Variants in SYNM observed in about 807,000 individuals in gnomAD.
The protein encoded by SYNM is synemin.
In SYNM, 95 loss-of-function variants were observed where a neutral mutation model predicts 104.0. That is an observed-to-expected ratio of 0.91 (90% confidence interval 0.77 to 1.08). The LOEUF is 1.08. Ranked by LOEUF, SYNM falls within the 50% of genes least tolerant of loss-of-function variation. The pLI is 0.00. For missense variants in SYNM, 2,150 were observed against 2,052.2 expected (o/e 1.05, Z -0.92); for synonymous variants, 918 against 869.0 (o/e 1.06, Z -0.99).
chr15:99,124,222 G>A (rs2067427400), intron 2 of SYNM, among the ~76,000 whole-genome samples: 1 of 152,256 alleles, frequency 6.6e-6, no homozygotes, highest in Admixed American at 6.5e-5. Flanking sequence ...ATTTCTTAAA[G>A]TGGTACGAAC....
chr15:99,131,902 G>A lies in SYNM; in HGVS notation c.3542G>A (p.Ser1181Asn). 1 of 1,613,960 alleles carries A rather than the reference G, an allele frequency of 6.2e-7. No individual in the cohort carries two copies. Among genetic ancestry groups the A allele is most frequent in the Non-Finnish European group, 8.5e-7 (1 of 1,179,884 alleles). Residue 1181 changes from serine (S) to asparagine (N), a missense_variant, in exon 4 of 4, where the codon AGT becomes AAT. Ser to Asn is a conservative substitution (Grantham distance 46). Coordinates refer to ENST00000336292, the MANE Select transcript of SYNM (RefSeq NM_145728.3). The surrounding 1 kb of genome is among the most constrained non-coding windows in gnomAD (Gnocchi z 4.3). ...VRHVTLGPGQ[S>N]PLSREVIFLG... ...CATGTCACGCTGGGTCCCGGTCAAAGTCCACTGTCCAGAGAAGTCATCTTC... is the reference window on the plus strand; with the variant it reads ...CATGTCACGCTGGGTCCCGGTCAAAATCCACTGTCCAGAGAAGTCATCTTC...
rs1468489249 is a variant in SYNM, at chr15:99,106,105, G to T, written c.810+96G>T. On this transcript the variant is annotated intron_variant, in intron 1 of 3. Transcript: ENST00000336292. ...GTGGGGCAGCGGCCCCTTCACCAGGGGCGCGGCGTCGCGGACCGGTAGGGC... is the reference window on the plus strand; with the variant it reads ...GTGGGGCAGCGGCCCCTTCACCAGGTGCGCGGCGTCGCGGACCGGTAGGGC... The T allele has an allele frequency of 5.4e-6, 7 of 1,289,314 alleles. No individual in the cohort carries two copies. In the African/African-American group the frequency reaches 9.4e-5, roughly 17 times the overall value. The allele number at this position is 1,289,314 out of a possible 1,614,324, so 79.9% of individuals were successfully genotyped here.
intron 1 of SYNM, among the ~76,000 whole-genome samples, chr15:99,110,227 C>T (rs1387973610): frequency 6.6e-6 from 1 of 152,200 alleles, no homozygotes; most frequent in African/African-American, 2.4e-5. Flanking sequence ...TTTTTCACTG[C>T]TGAATCCGCA....
At chr15:99,139,369 G>A (rs782485381), downstream of SYNM, 49 of 1,613,936 alleles carry the variant, frequency 3.0e-5, no homozygotes, top group Non-Finnish European at 3.8e-5. Flanking sequence ...TTGTCCTGCG[G>A]TCCATATAAG....
At chr15:99,123,212 A>C (rs1555484692) in intron 2 of SYNM, among the ~76,000 whole-genome samples, 1 of 151,948 alleles carries the variant, frequency 6.6e-6, no homozygotes, top group Non-Finnish European at 1.5e-5. Context: ...CAGGTCTCAG[A>C]TCTGAATCCA....
Position 99,105,687 on chromosome 15 carries a change from C to A in SYNM, c.488C>A (p.Thr163Asn), listed in dbSNP as rs1460304366. 2 of 1,475,970 alleles carry A rather than the reference C, an allele frequency of 1.4e-6. No homozygotes were observed. The highest frequency in any genetic ancestry group is 3.0e-5 in the African/African-American group (2 of 67,364). The allele number at this position is 1,475,970 out of a possible 1,614,324, so 91.4% of individuals were successfully genotyped here. The change falls in exon 1 of 4, where the codon ACC becomes AAC. Residue 163 changes from threonine to asparagine, a missense_variant. By Grantham distance (65) the Thr-to-Asn change is moderately conservative (BLOSUM62 0). Transcript: ENST00000336292. ...CTGCGCGCGCGCGCCGCCAGCCTTACCATGCATTTCCGCGCCCGCGCCACC... is the reference window on the plus strand; with the variant it reads ...CTGCGCGCGCGCGCCGCCAGCCTTAACATGCATTTCCGCGCCCGCGCCACC... ...RELRARAASL[T>N]MHFRARATGP... is the part of the protein sequence containing the mutation.
Position 99,130,140 on chromosome 15 carries a change from A to G in SYNM, c.1780A>G (p.Lys594Glu), listed in dbSNP as rs575687801. The change falls in exon 4 of 4, where the codon AAA becomes GAA. Residue 594 changes from lysine (K) to glutamate (E), a missense_variant. Lys to Glu is a moderately conservative substitution (Grantham distance 56). Transcript: ENST00000336292. ...SQDRRAEVSP[K>E]GLQTPVKDAG... ...GGACAGAAGAGCAGAGGTGTCCCCG[A>G]AAGGTTTGCAGACGCCTGTGAAGGA... The G allele has an allele frequency of 4.0e-5, 64 of 1,613,914 alleles. 3 individuals are homozygous for G. The South Asian group carries it at 6.7e-4, about 17-fold the overall frequency.
At chr15:99,123,303 G>T (rs868971662) in intron 2 of SYNM, among the ~76,000 whole-genome samples, 3,255 of 145,970 alleles carry the variant, frequency 0.022, 93 homozygotes, top group Admixed American at 0.076. Context: ...TGATTATCTG[G>T]TTTTTTTTTT....
At position 99,131,192 on chromosome 15, in the gene SYNM, G is replaced by T. The variant is rs1286674723; in HGVS notation, c.2832G>T (p.Glu944Asp). 6.2e-7 allele frequency: 1 copy of T among 1,608,362 alleles called. No homozygotes were observed. The highest frequency in any genetic ancestry group is 8.5e-7 in the Non-Finnish European group (1 of 1,177,408). Residue 944 changes from glutamate (E) to aspartate (D), a missense_variant, in exon 4 of 4, where the codon GAG becomes GAT. Glu to Asp is a conservative substitution (Grantham distance 45). Coordinates refer to ENST00000336292, the MANE Select transcript of SYNM (RefSeq NM_145728.3). The surrounding 1 kb of genome is among the most constrained non-coding windows in gnomAD (Gnocchi z 4.3). ...CCATGAAGGGCATCTCCTCCAAGGAGCCCCGGCAGCAGCTGGTGGAGGTCA... is the reference window on the plus strand; with the variant it reads ...CCATGAAGGGCATCTCCTCCAAGGATCCCCGGCAGCAGCTGGTGGAGGTCA... ...HTSMKGISSK[E>D]PRQQLVEVIG... is the part of the protein sequence containing the mutation.
At chr15:99,121,008 T>G (rs1189747760) in intron 2 of SYNM, among the ~76,000 whole-genome samples, 7 of 151,312 alleles carry the variant, frequency 4.6e-5, no homozygotes, top group African/African-American at 1.7e-4. Context: ...CAGACTGAGG[T>G]GATGAGAAGA....
rs1010564046 is a variant in SYNM, at chr15:99,133,278, G to A, written c.*220G>A. On this transcript the variant is annotated 3_prime_UTR_variant, in exon 4 of 4. Transcript: ENST00000336292. ...GCACTGCAATTTTATTTTTGAGTTG[G>A]GACTTTTACAAAACACTTTTTTCCC... 5.2e-5 allele frequency: 50 copies of A among 954,224 alleles called. No individual in the cohort carries two copies. The highest frequency in any genetic ancestry group is 7.0e-5 in the Non-Finnish European group (48 of 685,608). The allele number at this position is 954,224 out of a possible 1,614,324, so 59.1% of individuals were successfully genotyped here.
rs139715275 is a variant in SYNM at position 99,106,319 on chromosome 15, A to G, written c.810+310A>G. Among the ~76,000 whole-genome samples, 859 of 152,318 alleles carry G rather than the reference A, an allele frequency of 5.6e-3. 13 individuals are homozygous for G. The highest frequency in any genetic ancestry group is 0.019 in the African/African-American group (806 of 41,568). On this transcript the variant is annotated intron_variant, in intron 1 of 3. Transcript: ENST00000336292. ...CCTGATAGGCCACCCTGTTAGCTCT[A>G]GGTTTTCCTTCCATTTTCCGTGCTC...
rs782607599 is a variant in SYNM at position 99,133,080 on chromosome 15, A to C, written c.*22A>C. On this transcript the variant is annotated 3_prime_UTR_variant, in exon 4 of 4. Coordinates refer to ENST00000336292, the MANE Select transcript of SYNM (RefSeq NM_145728.3). ...TTAATAAGCAGAAACATTTTGTTTT[A>C]ATGGCAGCCTGTTGGCGACGTGCCA... The C allele has an allele frequency of 1.9e-6, 3 of 1,608,758 alleles. No individual in the cohort carries two copies. The East Asian group carries it at 6.7e-5, about 36-fold the overall frequency.
At position 99,132,428 on chromosome 15, in the gene SYNM, C is replaced by G; in HGVS notation, c.4068C>G (p.His1356Gln). Reference protein sequence around the residue: ...EGSADVHQATHSHTSGRQTVM... With the variant: ...EGSADVHQATQSHTSGRQTVM... Reference sequence around the variant, plus strand: ...CAGCAGATGTGCACCAGGCCACTCACAGTCATACCTCGGGTAGACAAACCG... The same window carrying G: ...CAGCAGATGTGCACCAGGCCACTCAGAGTCATACCTCGGGTAGACAAACCG... Residue 1356 changes from histidine to glutamine, a missense_variant, in exon 4 of 4, where the codon CAC becomes CAG. By Grantham distance (24) the His-to-Gln change is conservative. Transcript: ENST00000336292. 6.2e-7 allele frequency: 1 copy of G among 1,614,014 alleles called. No individual in the cohort carries two copies. The highest frequency in any genetic ancestry group is 1.3e-5 in the African/African-American group (1 of 75,040).
At chr15:99,113,103 A>G (rs2067315177) in intron 1 of SYNM, among the ~76,000 whole-genome samples, 1 of 152,236 alleles carries the variant, frequency 6.6e-6, no homozygotes, top group Non-Finnish European at 1.5e-5. Context: ...TTTCTAAGTG[A>G]AACAAAACTC....
chr15:99,115,011 C>T (rs1045176436), intron 2 of SYNM, among the ~76,000 whole-genome samples: 6 of 152,080 alleles, frequency 3.9e-5, no homozygotes, highest in South Asian at 2.1e-4. Context: ...TTCTCTGCTC[C>T]GAGTCAACTC....
At position 99,130,912 on chromosome 15, in the gene SYNM, G is replaced by C; in HGVS notation, c.2552G>C (p.Gly851Ala). 6.2e-7 allele frequency: 1 copy of C among 1,613,908 alleles called. No individual in the cohort carries two copies. Among genetic ancestry groups the C allele is most frequent in the African/African-American group, 1.3e-5 (1 of 75,006 alleles). ...GACAGAGATGACGGCTCGGTGTACG[G>C]GCAGATCCACATCGAGGAGGAATCC... Reference protein sequence around the residue: ...GHDRDDGSVYGQIHIEEESTI... With the variant: ...GHDRDDGSVYAQIHIEEESTI... The change falls in exon 4 of 4, where the codon GGG (glycine) becomes GCG (alanine). Residue 851 changes from glycine to alanine, a missense_variant. Gly to Ala is a moderately conservative substitution (Grantham distance 60). Coordinates refer to ENST00000336292, the MANE Select transcript of SYNM (RefSeq NM_145728.3).
At chr15:99,107,557 A>T (rs1361739665) in intron 1 of SYNM, among the ~76,000 whole-genome samples, 1 of 152,182 alleles carries the variant, frequency 6.6e-6, no homozygotes, top group Non-Finnish European at 1.5e-5. Context: ...CCATGCGTTC[A>T]CAGCCACAGC....
At position 99,132,573 on chromosome 15, in the gene SYNM, C is replaced by T. The variant is rs782243596; in HGVS notation, c.4213C>T (p.Arg1405Ter). Reference sequence around the variant, plus strand: ...TGTTAGCAGATCCTTTAGGCACATTCGACTAGGTCCTACAGAAACGGAAAC... The same window carrying T: ...TGTTAGCAGATCCTTTAGGCACATTTGACTAGGTCCTACAGAAACGGAAAC... ...SGVSRSFRHI[R>*]LGPTETETSE... is the part of the protein sequence containing the mutation. Residue 1405 changes from arginine to a stop codon, truncating the protein, a stop_gained, in exon 4 of 4, where the codon CGA (arginine) becomes TGA (stop). Coordinates refer to ENST00000336292, the MANE Select transcript of SYNM (RefSeq NM_145728.3). LOFTEE classifies it high-confidence loss of function. 29 of 1,613,880 alleles carry T rather than the reference C, an allele frequency of 1.8e-5. No homozygotes were observed. Among genetic ancestry groups the T allele is most frequent in the Non-Finnish European group, 2.3e-5 (27 of 1,179,900 alleles).
Sources: gnomAD v4.1 joint callset for allele counts (sites outside exome capture counted in the v4.1 genomes callset) on GRCh38, gnomAD v4.1.1 for gene constraint, Gnocchi (gnomAD v3.1) non-coding constraint, MANE v1.5 for transcripts, NCBI Gene and HGNC (gene_info 2026-07-23, HGNC 2026-07-21) for gene names.